Variants in KLHL1 observed in about 807,000 individuals in gnomAD.
KLHL1 encodes the protein kelch-like protein 1.
Under a neutral mutation model 77.7 loss-of-function variants are expected in KLHL1, and 47 were observed. That is an observed-to-expected ratio of 0.60 (90% CI 0.48 to 0.77). The LOEUF (loss-of-function observed/expected upper bound fraction) is 0.77, where lower values mean the gene tolerates loss of function less well. KLHL1 is among the 30% of genes least tolerant of loss of function. KLHL1 has a pLI of 0.00. For synonymous variants in KLHL1, 360 were observed against 325.2 expected (o/e 1.11, Z -1.15); for missense variants, 925 against 910.8 (o/e 1.02, Z -0.20).
intron 4 of KLHL1, among the ~76,000 whole-genome samples, chr13:69,939,554 A>G (rs1358705831): frequency 6.6e-6 from 1 of 151,880 alleles, no homozygotes; most frequent in Non-Finnish European, 1.5e-5. Context: ...GAATGTACAA[A>G]GGTAGATATG....
intron 6 of KLHL1, among the ~76,000 whole-genome samples, chr13:69,822,040 A>C (rs1260324227): frequency 6.6e-6 from 1 of 152,002 alleles, no homozygotes; most frequent in Non-Finnish European, 1.5e-5. Context: ...TCTACCAAAA[A>C]TTAAAAATAT....
chr13:69,798,905 C>T (rs562889717), intron 6 of KLHL1, among the ~76,000 whole-genome samples: 1 of 151,912 alleles, frequency 6.6e-6, no homozygotes, highest in East Asian at 1.9e-4. Flanking sequence ...AACCCCATCT[C>T]CACTAAAAAT....
intron 1 of KLHL1, among the ~76,000 whole-genome samples, chr13:70,054,555 T>C (rs898458874): frequency 6.6e-6 from 1 of 152,104 alleles, no homozygotes; most frequent in African/African-American, 2.4e-5. Context: ...TTCTTTTTTA[T>C]GTGTTTGGGT....
At chr13:69,872,757 T>G (rs1427574523) in intron 5 of KLHL1, among the ~76,000 whole-genome samples, 1 of 152,144 alleles carries the variant, frequency 6.6e-6, no homozygotes, top group East Asian at 1.9e-4. Flanking sequence ...AACGGGGATT[T>G]TTTGGTAACA....
At chr13:70,066,932 G>A (rs1887021859) in intron 1 of KLHL1, among the ~76,000 whole-genome samples, 1 of 152,154 alleles carries the variant, frequency 6.6e-6, no homozygotes, top group African/African-American at 2.4e-5. Context: ...TCATAGAGTT[G>A]TGTTTTCTTT....
At chr13:69,760,395 G>A (rs910324767) in intron 7 of KLHL1, among the ~76,000 whole-genome samples, 1 of 151,706 alleles carries the variant, frequency 6.6e-6, no homozygotes, top group African/African-American at 2.4e-5. Flanking sequence ...CACTCGTTTT[G>A]CCCAGGCTGG....
intron 4 of KLHL1, among the ~76,000 whole-genome samples, chr13:69,918,882 T>C (rs1882533748): frequency 6.6e-6 from 1 of 152,188 alleles, no homozygotes; most frequent in Non-Finnish European, 1.5e-5. Flanking sequence ...GTTGTGTAAT[T>C]CTCAATTAGA....
At chr13:69,761,247 G>T (rs1875007515) in intron 7 of KLHL1, among the ~76,000 whole-genome samples, 1 of 152,204 alleles carries the variant, frequency 6.6e-6, no homozygotes, top group Non-Finnish European at 1.5e-5. Flanking sequence ...AAAGGAAAAT[G>T]ATGCACAGAA....
intron 5 of KLHL1, among the ~76,000 whole-genome samples, chr13:69,862,418 A>G (rs1262183311): frequency 6.6e-6 from 1 of 152,164 alleles, no homozygotes; most frequent in Non-Finnish European, 1.5e-5. Context: ...GGTAAAACAT[A>G]TACTTTAATT....
intron 5 of KLHL1, among the ~76,000 whole-genome samples, chr13:69,842,123 A>T (rs181563492): frequency 6.6e-6 from 1 of 152,038 alleles, no homozygotes; most frequent in East Asian, 1.9e-4. Flanking sequence ...GTTCTCATAA[A>T]GAGTGGTCTA....
At chr13:70,097,007 C>A (rs941449556) in intron 1 of KLHL1, among the ~76,000 whole-genome samples, 3 of 151,894 alleles carry the variant, frequency 2.0e-5, no homozygotes, top group Admixed American at 6.6e-5. Context: ...TAAAATGAAT[C>A]CATGATCCAA....
chr13:69,787,994 TA>T (rs1489586379), intron 7 of KLHL1, among the ~76,000 whole-genome samples: 1 of 152,198 alleles, frequency 6.6e-6, no homozygotes. Context: ...TGGCAATCAT[TA>T]AAAAGTCAGG....
chr13:70,081,343 G>A (rs916610167), intron 1 of KLHL1, among the ~76,000 whole-genome samples: 5 of 152,160 alleles, frequency 3.3e-5, no homozygotes, highest in Non-Finnish European at 7.3e-5. Flanking sequence ...TGTCTTAGCT[G>A]TGAGTCCTCT....
chr13:69,953,753 C>T (rs1883784634), intron 3 of KLHL1, among the ~76,000 whole-genome samples: 1 of 150,984 alleles, frequency 6.6e-6, no homozygotes. Context: ...AATGCTGAAA[C>T]ATATAATAAA....
intron 1 of KLHL1, among the ~76,000 whole-genome samples, chr13:70,031,199 A>G (rs766107189): frequency 2.0e-5 from 3 of 152,166 alleles, no homozygotes; most frequent in African/African-American, 7.2e-5. Flanking sequence ...CTGCAATTCT[A>G]TGCAGAAGGT....
At chr13:69,794,636 T>C (rs1430655380) in intron 7 of KLHL1, among the ~76,000 whole-genome samples, 1 of 149,952 alleles carries the variant, frequency 6.7e-6, no homozygotes, top group Admixed American at 6.6e-5. Flanking sequence ...AAGAAGCAGA[T>C]AGGAATTTGA....
intron 7 of KLHL1, among the ~76,000 whole-genome samples, chr13:69,751,558 C>G (rs1212035475): frequency 1.3e-5 from 2 of 152,008 alleles, no homozygotes; most frequent in Non-Finnish European, 2.9e-5. Context: ...TAGAGTATTT[C>G]TGAGGAACTG....
chr13:70,009,868 G>T (rs74938483), intron 1 of KLHL1, among the ~76,000 whole-genome samples: 12,937 of 151,828 alleles, frequency 0.085, 623 homozygotes, highest in Non-Finnish European at 0.11. Context: ...TCAAAAAAAG[G>T]TCAGAAAAAA....
At chr13:69,952,353 T>G (rs548264789) in intron 3 of KLHL1, among the ~76,000 whole-genome samples, 2 of 151,508 alleles carry the variant, frequency 1.3e-5, no homozygotes, top group Admixed American at 6.6e-5. Flanking sequence ...GCAAAATAGT[T>G]TTTACATTTT....
Sources: allele counts gnomAD v4.1 joint callset (sites outside exome capture counted in the v4.1 genomes callset), GRCh38; gene constraint gnomAD v4.1.1; transcripts MANE v1.5; gene names NCBI Gene and HGNC (gene_info 2026-07-23, HGNC 2026-07-21).